Variants in SASH1 observed in about 807,000 individuals in gnomAD.
The protein encoded by SASH1 is SAM and SH3 domain-containing protein 1.
In SASH1, 44 loss-of-function variants were observed where a neutral mutation model predicts 125.2. The ratio of observed to expected loss-of-function variants is 0.35; its 90% confidence interval spans 0.28 to 0.45. The LOEUF is 0.45. Ranked by LOEUF, SASH1 falls within the 20% of genes least tolerant of loss-of-function variation. SASH1 has a pLI of 1.00. For missense variants in SASH1, 1,426 were observed against 1,614.5 expected, an observed-to-expected ratio of 0.88 and a Z score of 2.00; for synonymous variants, 639 against 649.1, an observed-to-expected ratio of 0.98 and a Z score of 0.24.
chr6:148,353,365 C>T (rs1781807506), intron 1 of SASH1, among the ~76,000 whole-genome samples: 1 of 151,766 alleles, frequency 6.6e-6, no homozygotes, highest in Non-Finnish European at 1.5e-5. Context: ...GTGTGAACCA[C>T]TGCATTACTA....
rs1439951907 is a variant in SASH1 at position 148,536,705 on chromosome 6, G to GCTAA, written c.2095+1807_2095+1810dup. 9.2e-5 allele frequency among the ~76,000 whole-genome samples: 14 copies of GCTAA among 152,334 alleles called. No individual in the cohort carries two copies. In the South Asian group the frequency reaches 1.2e-3, roughly 14 times the overall value. ...TCATCCACAGCTTTGGAGGAGAAAA[G>GCTAA]CTAACTCCTGAGTGTAAGGCAGGAA... On this transcript the variant is annotated intron_variant, in intron 16 of 19. Coordinates refer to ENST00000367467, the MANE Select transcript of SASH1 (RefSeq NM_015278.5).
At chr6:148,212,112 G>A in the SASH1 span, among the ~76,000 whole-genome samples, 1 of 152,208 alleles carries the variant, frequency 6.6e-6, no homozygotes, top group African/African-American at 2.4e-5. Flanking sequence ...CTGGGCAGCA[G>A]ACAGTCCTGG....
intron 4 of SASH1, among the ~76,000 whole-genome samples, chr6:148,455,517 G>T (rs114954926): frequency 9.6e-4 from 146 of 152,294 alleles, no homozygotes; most frequent in African/African-American, 3.2e-3. Flanking sequence ...TGAGGGCAGG[G>T]TGAAATCAGC....
chr6:148,546,139 G>T lies in SASH1; in HGVS notation c.3473G>T (p.Arg1158Leu). The T allele has an allele frequency of 6.2e-7, 1 of 1,613,856 alleles. No homozygotes were observed. The highest frequency in any genetic ancestry group is 1.7e-5 in the Admixed American group (1 of 59,950). Residue 1158 changes from arginine (R) to leucine (L), a missense_variant, in exon 19 of 20, where the codon CGC becomes CTC. By Grantham distance (102) the Arg-to-Leu change is moderately radical. Transcript: ENST00000367467. ...IRVKQLRKQHRMAIPSGGLTE... is the reference protein window; with the variant it reads ...IRVKQLRKQHLMAIPSGGLTE... ...GTGAAGCAGCTTCGGAAGCAGCACC[G>T]CATGGCGGTGAGCAGCCCACAGTTC...
At chr6:148,260,796 C>CTTTT in the SASH1 span, among the ~76,000 whole-genome samples, 760 of 103,992 alleles carry the variant, frequency 7.3e-3, 64 homozygotes, top group African/African-American at 0.026. Flanking sequence ...CCTATAAGGG[C>CTTTT]TTTTTTTTTT....
rs1184863640 is a variant in SASH1 at position 148,532,919 on chromosome 6, A to G, written c.1687A>G (p.Thr563Ala). 1.9e-6 allele frequency: 3 copies of G among 1,614,100 alleles called. No homozygotes were observed. The highest frequency in any genetic ancestry group is 2.5e-6 in the Non-Finnish European group (3 of 1,180,044). ...GPFCGRARVH[T>A]DFTPSPYDTD... ...GTTCTGCGGGCGTGCCAGGGTGCAC[A>G]CCGACTTCACCCCCAGTCCCTATGA... The change falls in exon 14 of 20, where the codon ACC (threonine) becomes GCC (alanine). Residue 563 changes from threonine (T) to alanine (A), a missense_variant. By Grantham distance (58) the Thr-to-Ala change is moderately conservative (BLOSUM62 0). This residue lies in a region of SASH1 where 225 missense variants were observed against 344.5 expected (regional missense o/e 0.65). Transcript: ENST00000367467. This position sits in a 1 kb window ranked among gnomAD's most constrained non-coding sequence, Gnocchi z 4.7.
At chr6:148,514,480 A>G in intron 9 of SASH1, 24 bp downstream of exon 9, 3 of 1,400,898 alleles carry the variant, frequency 2.1e-6, no homozygotes, top group Non-Finnish European at 2.8e-6. Flanking sequence ...AAAAAAAAAA[A>G]AAAAAAGGCA....
At position 148,550,271 on chromosome 6, in the gene SASH1, GTCAA is replaced by G. The variant is rs1403212568; in HGVS notation, c.*1717_*1720del. On this transcript the variant is annotated 3_prime_UTR_variant, in exon 20 of 20. Coordinates refer to ENST00000367467, the MANE Select transcript of SASH1 (RefSeq NM_015278.5). ...AAATGCAATCATCTAAAATATAAAG[GTCAA>G]TCATTTATAATAGAAACACCTTGAC... 6.6e-6 allele frequency: 1 copy of G among 152,118 alleles called. No homozygotes were observed. The highest frequency in any genetic ancestry group is 2.4e-5 in the African/African-American group (1 of 41,402). The allele number at this position is 152,118 out of a possible 1,614,324, so 9.4% of individuals were successfully genotyped here.
intron 4 of SASH1, among the ~76,000 whole-genome samples, chr6:148,454,342 A>G (rs770841206): frequency 5.2e-4 from 79 of 152,228 alleles, no homozygotes; most frequent in Admixed American, 8.5e-4. Context: ...TGAAGCACGG[A>G]AAAAAAAGAG....
intron 1 of SASH1, among the ~76,000 whole-genome samples, chr6:148,321,423 A>T (rs570799704): frequency 1.5e-3 from 220 of 150,192 alleles, no homozygotes; most frequent in African/African-American, 5.1e-3. Flanking sequence ...TGGCAAATGG[A>T]TGTATGTGCA....
At chr6:148,449,072 T>G (rs1430741099) in intron 4 of SASH1, among the ~76,000 whole-genome samples, 1 of 120,534 alleles carries the variant, frequency 8.3e-6, no homozygotes, top group South Asian at 3.7e-4. Flanking sequence ...TAATTTCATT[T>G]CATTTCTTTT....
At chr6:148,497,223 G>A (rs920299160) in intron 8 of SASH1, among the ~76,000 whole-genome samples, 79 of 152,296 alleles carry the variant, frequency 5.2e-4, no homozygotes, top group African/African-American at 1.7e-3. Flanking sequence ...AGAAATGCCC[G>A]TTTTGTTCCG....
chr6:148,531,419 G>A (rs1781508486), intron 12 of SASH1, 107 bp from the exon 13 acceptor site: 1 of 947,358 alleles, frequency 1.1e-6, no homozygotes, highest in East Asian at 2.9e-5. Context: ...TCAAATATAG[G>A]TATAGATTGA....
rs376971692 is a variant in SASH1, at chr6:148,314,253, C to A, written n.74+41876C>A. ...CCCCACTTCCTGTGGTGAACTCATGCAACTCCAAGGCCACAGCTACACACT... is the reference window on the plus strand; with the variant it reads ...CCCCACTTCCTGTGGTGAACTCATGAAACTCCAAGGCCACAGCTACACACT... On this transcript the variant is annotated intron_variant and non_coding_transcript_variant, in intron 1 of 3. Transcript: ENST00000367469. 4.6e-5 allele frequency among the ~76,000 whole-genome samples: 7 copies of A among 152,290 alleles called. No homozygotes were observed. The East Asian group carries it at 1.2e-3, about 25-fold the overall frequency.
chr6:148,506,202 G>A (rs1033610176), intron 8 of SASH1, among the ~76,000 whole-genome samples: 3 of 151,904 alleles, frequency 2.0e-5, no homozygotes, highest in African/African-American at 7.2e-5. Context: ...GGCTGGGCTT[G>A]GTGGCTCACG....
the SASH1 span, among the ~76,000 whole-genome samples, chr6:148,266,890 T>G: frequency 6.6e-6 from 1 of 152,166 alleles, no homozygotes; most frequent in South Asian, 2.1e-4. Flanking sequence ...GGATTACAAG[T>G]GTAAGCCACC....
chr6:148,245,978 G>A, the SASH1 span, among the ~76,000 whole-genome samples: 4 of 148,976 alleles, frequency 2.7e-5, no homozygotes, highest in Non-Finnish European at 4.5e-5. Context: ...ACCAGACTCC[G>A]TCTAAAAAAA....
chr6:148,390,436 T>C (rs1253405520), intron 2 of SASH1, among the ~76,000 whole-genome samples, 174 bp downstream of exon 2: 1 of 152,160 alleles, frequency 6.6e-6, no homozygotes, highest in African/African-American at 2.4e-5. Flanking sequence ...CTGCCGCAGA[T>C]ATCAAACTGA....
At chr6:148,312,742 C>G (rs1412617977) in intron 1 of SASH1, among the ~76,000 whole-genome samples, 3 of 152,146 alleles carry the variant, frequency 2.0e-5, no homozygotes, top group African/African-American at 7.2e-5. Context: ...ACCATTTACT[C>G]TACGCTAGGT....
Sources: allele counts gnomAD v4.1 joint callset (sites outside exome capture counted in the v4.1 genomes callset), GRCh38; gene constraint gnomAD v4.1.1; regional missense constraint gnomAD v4.1.1; non-coding constraint Gnocchi (gnomAD v3.1); transcripts MANE v1.5; gene names NCBI Gene and HGNC (gene_info 2026-07-23, HGNC 2026-07-21).